The following OAS2 variants were observed in gnomAD, a reference collection of about 807,000 sequenced individuals.
The protein encoded by OAS2 is 2'-5'-oligoadenylate synthase 2.
A neutral mutation model predicts 71.3 loss-of-function variants in OAS2; 67 were observed. The observed-to-expected ratio is 0.94, with a 90% confidence interval of 0.77 to 1.15. OAS2 has a LOEUF of 1.15. Among genes scored for constraint, OAS2 ranks in the 50% most tolerant of loss-of-function variants. The pLI is 0.00. For missense variants in OAS2, 789 were observed against 822.5 expected, an observed-to-expected ratio of 0.96 and a Z score of 0.50; for synonymous variants, 327 against 321.8, an observed-to-expected ratio of 1.02 and a Z score of -0.17.
At chr12:112,985,996 A>T (rs1313740201) in intron 1 of OAS2, among the ~76,000 whole-genome samples, 2 of 152,240 alleles carry the variant, frequency 1.3e-5, no homozygotes, top group African/African-American at 4.8e-5. Context: ...AAAATAAAAT[A>T]AAAAAGATGT....
intron 6 of OAS2, 145 bp downstream of exon 6, chr12:113,003,247 G>C: frequency 1.2e-6 from 1 of 814,910 alleles, no homozygotes; most frequent in South Asian, 1.7e-5. Context: ...AGGGAACTAG[G>C]ACACTAGTTT....
intron 1 of OAS2, among the ~76,000 whole-genome samples, chr12:112,984,237 A>G (rs975816523): frequency 1.3e-5 from 2 of 152,238 alleles, no homozygotes; most frequent in Admixed American, 6.5e-5. Flanking sequence ...ATAAATATAC[A>G]TATACATATA....
chr12:112,999,518 C>T (rs1037405852), intron 5 of OAS2, among the ~76,000 whole-genome samples: 2 of 152,318 alleles, frequency 1.3e-5, no homozygotes, highest in Non-Finnish European at 2.9e-5. Flanking sequence ...TAACTGAGTA[C>T]CAATCTGGCA....
At chr12:112,997,947 C>T (rs1196562844) in intron 4 of OAS2, among the ~76,000 whole-genome samples, 192 bp downstream of exon 4, 1 of 152,156 alleles carries the variant, frequency 6.6e-6, no homozygotes, top group Non-Finnish European at 1.5e-5. Context: ...ACATTCCAAA[C>T]CATAGTCACA....
chr12:112,987,278 T>G lies in OAS2; in HGVS notation c.418T>G (p.Phe140Val). The change falls in exon 2 of 10, where the codon TTC (phenylalanine) becomes GTC (valine). Residue 140 changes from phenylalanine to valine, a missense_variant. By Grantham distance (50) the Phe-to-Val change is conservative. Transcript: ENST00000392583. ...GTTCACAAAAAATCAGAGAATCTCT[T>G]TCGAGGTGCTGGCCGCCTTCAACGC... ...QVFTKNQRIS[F>V]EVLAAFNALS... The G allele has an allele frequency of 5.6e-6, 9 of 1,613,822 alleles. No homozygotes were observed. Among genetic ancestry groups the G allele is most frequent in the Non-Finnish European group, 7.6e-6 (9 of 1,179,930 alleles).
Position 113,010,204 on chromosome 12 carries a change from G to T in OAS2, c.*949G>T. 1 of 1,380,836 alleles carries T rather than the reference G, an allele frequency of 7.2e-7. No homozygotes were observed. Among genetic ancestry groups the T allele is most frequent in the Non-Finnish European group, 9.3e-7 (1 of 1,070,546 alleles). 85.5% of individuals were successfully genotyped at this position (1,380,836 alleles called of 1,614,324 possible). On this transcript the variant is annotated 3_prime_UTR_variant, in exon 10 of 10. Transcript: ENST00000392583. ...GGGAAGAGGTGGCCAAGCCAACCGT[G>T]GGGTTAGCTCTAATTATTAAGATAT...
At position 113,010,362 on chromosome 12, in the gene OAS2, T is replaced by G; in HGVS notation, c.*1107T>G. 6.2e-7 allele frequency: 1 copy of G among 1,609,454 alleles called. No individual in the cohort carries two copies. On this transcript the variant is annotated 3_prime_UTR_variant, in exon 10 of 10. Transcript: ENST00000392583. ...GGAGACATTGCTCTCCCACGTATGTTTTTCTTTTTAGACAATGCAGACACC... is the reference window on the plus strand; with the variant it reads ...GGAGACATTGCTCTCCCACGTATGTGTTTCTTTTTAGACAATGCAGACACC...
intron 1 of OAS2, among the ~76,000 whole-genome samples, chr12:112,984,198 T>C (rs1175346808): frequency 6.6e-6 from 1 of 152,216 alleles, no homozygotes; most frequent in African/African-American, 2.4e-5. Flanking sequence ...ATCTCAGTGC[T>C]CTACCGTTGG....
intron 1 of OAS2, among the ~76,000 whole-genome samples, chr12:112,985,895 G>A (rs114101614): frequency 0.014 from 2,105 of 152,302 alleles, 54 homozygotes; most frequent in African/African-American, 0.048. Flanking sequence ...ATTGCTTCTG[G>A]CAGGAGTTTG....
At position 112,987,250 on chromosome 12, in the gene OAS2, G is replaced by A. The variant is rs2044147231; in HGVS notation, c.390G>A (p.Gln130=). The A allele has an allele frequency of 6.2e-7, 1 of 1,614,174 alleles. No homozygotes were observed. The highest frequency in any genetic ancestry group is 1.6e-4 in the Middle Eastern group (1 of 6,062). ...IQKSLDGFTI[Q]VFTKNQRISF... ...AGTCCCTTGATGGGTTCACCATCCA[G>A]GTGTTCACAAAAAATCAGAGAATCT... Residue 130 remains glutamine (Q), a synonymous_variant, in exon 2 of 10, where the codon CAG becomes CAA. Coordinates refer to ENST00000392583, the MANE Select transcript of OAS2 (RefSeq NM_002535.3).
At chr12:112,991,071 C>G (rs1405599494) in intron 2 of OAS2, among the ~76,000 whole-genome samples, 1 of 152,214 alleles carries the variant, frequency 6.6e-6, no homozygotes, top group Non-Finnish European at 1.5e-5. Flanking sequence ...GTACCACTCA[C>G]CACCAACTAA....
In OAS2 at chr12:112,988,034, A is replaced by C. The variant is rs1032738497; in HGVS notation, c.448+726A>C. On this transcript the variant is annotated intron_variant, in intron 2 of 9. Coordinates refer to ENST00000392583, the MANE Select transcript of OAS2 (RefSeq NM_002535.3). The stretch of plus-strand genomic sequence containing the variant: ...AGCTAGGCACTCAAAAGGAACCTAC[A>C]GGCTTAATACTTGGGTCTGAAAATA... The C allele has an allele frequency of 1.3e-5, 13 of 985,366 alleles. No homozygotes were observed. In the African/African-American group the frequency reaches 2.1e-4, roughly 16 times the overall value. 61.0% of individuals were successfully genotyped at this position (985,366 alleles called of 1,614,324 possible). A position where few individuals can be genotyped will look rare whatever the true frequency, so the allele number is the denominator to read the frequency against.
chr12:112,993,194 C>T (rs966737672), intron 2 of OAS2, among the ~76,000 whole-genome samples: 3 of 152,052 alleles, frequency 2.0e-5, no homozygotes, highest in Admixed American at 1.3e-4. Context: ...ATTTTTACAC[C>T]AGGTCCAGGC....
chr12:112,988,429 T>C (rs1304082780), intron 2 of OAS2: 2 of 307,494 alleles, frequency 6.5e-6, no homozygotes, highest in Non-Finnish European at 9.5e-6. Flanking sequence ...AGACTGGTTA[T>C]AGCTCAGCAT....
At position 112,995,352 on chromosome 12, in the gene OAS2, A is replaced by G; in HGVS notation, c.505A>G (p.Lys169Glu). Residue 169 changes from lysine to glutamate, a missense_variant, in exon 3 of 10, where the codon AAG (lysine) becomes GAG (glutamate). Transcript: ENST00000392583. ...TCGAGAGCTCAAAAGATCCTTGGAT[A>G]AGACAAATGCCAGTCCTGGTGAGTT... ...IYRELKRSLD[K>E]TNASPGEFAV... 6.2e-7 allele frequency: 1 copy of G among 1,614,122 alleles called. No homozygotes were observed. Among genetic ancestry groups the G allele is most frequent in the Non-Finnish European group, 8.5e-7 (1 of 1,179,998 alleles).
At chr12:112,997,076 CA>C (rs907674298) in intron 3 of OAS2, among the ~76,000 whole-genome samples, 4 of 152,116 alleles carry the variant, frequency 2.6e-5, no homozygotes, top group Admixed American at 6.6e-5. Context: ...CTATAGGGAA[CA>C]AAACATCTTT....
At chr12:112,994,275 C>A (rs1429554670) in intron 2 of OAS2, among the ~76,000 whole-genome samples, 1 of 152,186 alleles carries the variant, frequency 6.6e-6, no homozygotes, top group Admixed American at 6.5e-5. Flanking sequence ...GACTGATCTC[C>A]CATCTCCTCA....
rs2044322149 is a variant in OAS2, at chr12:113,005,311, T to C, written c.1468+89T>C. 3.2e-5 allele frequency: 42 copies of C among 1,322,832 alleles called. No homozygotes were observed. The South Asian group carries it at 5.5e-4, about 17-fold the overall frequency. 81.9% of individuals were successfully genotyped at this position (1,322,832 alleles called of 1,614,324 possible). ...GACTTGATTACGGGCTCTGAAAACATGTGCCACTCATGGGTCCCTGGCCCC... is the reference window on the plus strand; with the variant it reads ...GACTTGATTACGGGCTCTGAAAACACGTGCCACTCATGGGTCCCTGGCCCC... On this transcript the variant is annotated intron_variant, in intron 7 of 9. Coordinates refer to ENST00000392583, the MANE Select transcript of OAS2 (RefSeq NM_002535.3).
chr12:113,003,763 G>A (rs1395378380), intron 6 of OAS2, among the ~76,000 whole-genome samples: 2 of 152,206 alleles, frequency 1.3e-5, no homozygotes, highest in African/African-American at 4.8e-5. Context: ...AGATAAACGT[G>A]TCCCCGTGGT....
Sources: gnomAD v4.1 joint callset for allele counts (sites outside exome capture counted in the v4.1 genomes callset) on GRCh38, gnomAD v4.1.1 for gene constraint, MANE v1.5 for transcripts, NCBI Gene and HGNC (gene_info 2026-07-23, HGNC 2026-07-21) for gene names.